Variants in NPAS3 observed in about 807,000 individuals in gnomAD.
NPAS3 encodes the protein neuronal PAS domain-containing protein 3.
Under a neutral mutation model 73.1 loss-of-function variants are expected in NPAS3, and 14 were observed. The ratio of observed to expected loss-of-function variants is 0.19; its 90% CI spans 0.13 to 0.30. The LOEUF is 0.30. Ranked by LOEUF, NPAS3 falls within the 10% of genes least tolerant of loss-of-function variation. NPAS3 has a pLI of 1.00. For missense variants in NPAS3, 1,096 were observed against 1,250.0 expected (o/e 0.88, Z 1.86); for synonymous variants, 620 against 541.5 (o/e 1.14, Z -2.01).
intron 2 of NPAS3, among the ~76,000 whole-genome samples, chr14:33,196,071 G>C (rs1478564405): frequency 6.6e-6 from 1 of 152,210 alleles, no homozygotes; most frequent in Non-Finnish European, 1.5e-5. Context: ...ATGTCTTGAA[G>C]TCACACAGCT....
At chr14:33,021,455 C>T (rs944839020) in intron 1 of NPAS3, among the ~76,000 whole-genome samples, 7 of 152,124 alleles carry the variant, frequency 4.6e-5, no homozygotes, top group African/African-American at 1.2e-4. Context: ...GTGTATATTT[C>T]TTGCACATTA....
chr14:33,050,001 G>A (rs944587761), intron 1 of NPAS3, among the ~76,000 whole-genome samples: 3 of 152,140 alleles, frequency 2.0e-5, no homozygotes, highest in African/African-American at 7.2e-5. Flanking sequence ...TAGCTTTCCA[G>A]AATTAGCAGA....
intron 4 of NPAS3, among the ~76,000 whole-genome samples, chr14:33,404,095 T>C (rs1223953933): frequency 6.6e-6 from 1 of 152,082 alleles, no homozygotes; most frequent in Non-Finnish European, 1.5e-5. Context: ...ATAGTAAAAT[T>C]TTTTTGTCTC....
intron 6 of NPAS3, among the ~76,000 whole-genome samples, chr14:33,717,730 A>G (rs1039249880): frequency 5.3e-5 from 8 of 152,138 alleles, no homozygotes; most frequent in Non-Finnish European, 8.8e-5. Context: ...GCCATGCTAT[A>G]TAAGCAACAG....
chr14:33,391,784 G>A (rs757143196), intron 4 of NPAS3, among the ~76,000 whole-genome samples: 9 of 152,110 alleles, frequency 5.9e-5, no homozygotes, highest in African/African-American at 9.7e-5. Flanking sequence ...TCTTCTTGGC[G>A]TTTCCAGAAC....
rs376677782 is a variant in NPAS3 at position 32,975,434 on chromosome 14, C to A, written c.50+36068C>A. Among the ~76,000 whole-genome samples the A allele has an allele frequency of 3.1e-4, 46 of 147,738 alleles. No individual in the cohort carries two copies. In the East Asian group the frequency reaches 8.2e-3, roughly 26 times the overall value. On this transcript the variant is annotated intron_variant, in intron 1 of 11. Coordinates refer to ENST00000356141, the Ensembl canonical transcript of NPAS3. ...CTTCTGGACTCAAGCAGTCCTCCTG[C>A]CTCAGCCTCCTGAATAGCATGAGCC...
chr14:33,798,184 G>C (rs1336830617), intron 11 of NPAS3, among the ~76,000 whole-genome samples: 4 of 152,166 alleles, frequency 2.6e-5, no homozygotes, highest in African/African-American at 9.7e-5. Flanking sequence ...CTCTTTCAGG[G>C]TGCTGGACTG....
At chr14:33,009,141 G>T (rs555163133) in intron 1 of NPAS3, among the ~76,000 whole-genome samples, 1 of 152,290 alleles carries the variant, frequency 6.6e-6, no homozygotes, top group African/African-American at 2.4e-5. Context: ...CTTGAGGGCC[G>T]ACTATGGGCT....
rs148551225 is a variant in NPAS3, at chr14:33,086,235, G to A, written c.140+30241G>A. Among the ~76,000 whole-genome samples the A allele has an allele frequency of 4.1e-4, 63 of 152,240 alleles. No homozygotes were observed. The East Asian group carries it at 7.5e-3, about 18-fold the overall frequency. ...AATTACAAAAAATATTTTTGCTTACGTGGATAATAAAATGCATATATGCTA... is the reference window on the plus strand; with the variant it reads ...AATTACAAAAAATATTTTTGCTTACATGGATAATAAAATGCATATATGCTA... On this transcript the variant is annotated intron_variant, in intron 2 of 11. Coordinates refer to ENST00000356141, the Ensembl canonical transcript of NPAS3.
intron 4 of NPAS3, among the ~76,000 whole-genome samples, chr14:33,480,894 A>T (rs1041010272): frequency 6.6e-6 from 1 of 151,978 alleles, no homozygotes; most frequent in African/African-American, 2.4e-5. Flanking sequence ...TCTTAATTAC[A>T]TCAGGCATAA....
At chr14:33,166,506 G>C (rs1184725226) in intron 2 of NPAS3, among the ~76,000 whole-genome samples, 1 of 152,074 alleles carries the variant, frequency 6.6e-6, no homozygotes, top group East Asian at 1.9e-4. Context: ...GGGAGGGCAG[G>C]CACTCTCCAA....
intron 5 of NPAS3, among the ~76,000 whole-genome samples, chr14:33,662,938 G>A (rs1196144703): frequency 7.5e-6 from 1 of 133,664 alleles, no homozygotes; most frequent in Non-Finnish European, 1.5e-5. Flanking sequence ...TCAGCTCACT[G>A]CAACCTCCGC....
At chr14:33,433,540 C>G (rs532400032) in intron 4 of NPAS3, among the ~76,000 whole-genome samples, 1 of 152,198 alleles carries the variant, frequency 6.6e-6, no homozygotes, top group South Asian at 2.1e-4. Flanking sequence ...TTGAAATGGG[C>G]TGCTGGAATG....
chr14:33,361,594 A>G (rs1298318882), intron 3 of NPAS3, among the ~76,000 whole-genome samples: 2 of 152,210 alleles, frequency 1.3e-5, no homozygotes, highest in Non-Finnish European at 2.9e-5. Context: ...CAGTCAACCC[A>G]TACTTAAATG....
intron 2 of NPAS3, among the ~76,000 whole-genome samples, chr14:33,136,324 G>A (rs2043837447): frequency 6.6e-6 from 1 of 151,522 alleles, no homozygotes; most frequent in Non-Finnish European, 1.5e-5. Context: ...CTCCCAAAGT[G>A]CTGCGATTAC....
chr14:33,469,643 C>T (rs944172968), intron 4 of NPAS3, among the ~76,000 whole-genome samples: 2 of 152,116 alleles, frequency 1.3e-5, no homozygotes, highest in Admixed American at 6.5e-5. Context: ...TGGATCCCGC[C>T]AGTTACCTAG....
At chr14:33,011,026 CTT>C (rs927083441) in intron 1 of NPAS3, among the ~76,000 whole-genome samples, 11 of 150,174 alleles carry the variant, frequency 7.3e-5, no homozygotes, top group African/African-American at 2.7e-4. Flanking sequence ...ATTTTTGAAA[CTT>C]TTGTTGAATT....
intron 1 of NPAS3, among the ~76,000 whole-genome samples, chr14:32,972,954 T>A (rs1031450000): frequency 6.6e-6 from 1 of 152,192 alleles, no homozygotes; most frequent in South Asian, 2.1e-4. Flanking sequence ...TTAGCACATA[T>A]GCTGTTTTTA....
chr14:33,103,419 A>G (rs138917854), intron 2 of NPAS3, among the ~76,000 whole-genome samples: 1 of 152,264 alleles, frequency 6.6e-6, no homozygotes, highest in East Asian at 1.9e-4. Flanking sequence ...TTTCTGGCTT[A>G]CTTAAGTGGT....
Sources: allele counts gnomAD v4.1 joint callset (sites outside exome capture counted in the v4.1 genomes callset), GRCh38; gene constraint gnomAD v4.1.1; transcripts MANE v1.5; gene names NCBI Gene and HGNC (gene_info 2026-07-23, HGNC 2026-07-21).